IL1RAPL1: variants seen among roughly 807,000 people sequenced by gnomAD.
IL1RAPL1 encodes the protein interleukin-1 receptor accessory protein-like 1.
A neutral mutation model predicts 48.4 loss-of-function variants in IL1RAPL1; 3 were observed. The observed-to-expected ratio is 0.06, with a 90% CI of 0.03 to 0.16. The LOEUF is 0.16. IL1RAPL1 is among the 10% of genes least tolerant of loss of function. IL1RAPL1 has a pLI of 1.00. For missense variants in IL1RAPL1, 349 were observed against 530.6 expected (o/e 0.66, Z 3.36); for synonymous variants, 185 against 187.7 (o/e 0.99, Z 0.12).
intron 5 of IL1RAPL1, among the ~76,000 whole-genome samples, chrX:29,550,619 T>C (rs1234522286): frequency 8.9e-6 from 1 of 111,899 alleles, no homozygotes; most frequent in Non-Finnish European, 1.9e-5. Context: ...TTTTTTTTTC[T>C]GTTGACTTCT....
At chrX:28,831,074 G>C (rs1484941192) in intron 2 of IL1RAPL1, among the ~76,000 whole-genome samples, 1 of 86,507 alleles carries the variant, frequency 1.2e-5, no homozygotes, top group South Asian at 6.4e-4. Context: ...GTGTGTGTGT[G>C]TGTCTGTATG....
Position 29,244,413 on chromosome X carries a change from T to C in IL1RAPL1, c.83-38525T>C, listed in dbSNP as rs1931472688. 2.7e-5 allele frequency among the ~76,000 whole-genome samples: 3 copies of C among 112,584 alleles called. No homozygotes were observed. The South Asian group carries it at 1.1e-3, about 41-fold the overall frequency. ...TCTTGGCATTTTTAAATTCATTGAA[T>C]AGATTCTCCTTAAATGTTAATAGCA... On this transcript the variant is annotated intron_variant, in intron 2 of 10. Transcript: ENST00000378993.
chrX:28,822,948 T>C (rs887652880), intron 2 of IL1RAPL1, among the ~76,000 whole-genome samples: 6 of 111,901 alleles, frequency 5.4e-5, no homozygotes, highest in African/African-American at 1.3e-4. Flanking sequence ...GCTGTATCCA[T>C]GCGAGGACCA....
chrX:29,413,263 T>C (rs1224252087), intron 5 of IL1RAPL1, among the ~76,000 whole-genome samples: 3 of 112,438 alleles, frequency 2.7e-5, no homozygotes. Flanking sequence ...CTTTCCTTTA[T>C]AAATTACCCA....
At chrX:28,646,324 C>T (rs745493585) in intron 1 of IL1RAPL1, among the ~76,000 whole-genome samples, 24 of 112,147 alleles carry the variant, frequency 2.1e-4, no homozygotes, top group Non-Finnish European at 3.6e-4. Context: ...ATGCTTAATA[C>T]TGGCTGGCCA....
intron 5 of IL1RAPL1, among the ~76,000 whole-genome samples, chrX:29,528,430 A>G (rs1022016125): frequency 8.9e-6 from 1 of 112,753 alleles, no homozygotes; most frequent in African/African-American, 3.2e-5. Context: ...AAGAAACTGA[A>G]ATAAGAAACT....
chrX:28,664,824 A>G (rs1934858432), intron 1 of IL1RAPL1, among the ~76,000 whole-genome samples: 1 of 111,704 alleles, frequency 9.0e-6, no homozygotes, highest in Non-Finnish European at 1.9e-5. Flanking sequence ...CCATTACACA[A>G]CATTGTAGTT....
chrX:28,952,278 A>G (rs916019762), intron 2 of IL1RAPL1, among the ~76,000 whole-genome samples: 1 of 110,936 alleles, frequency 9.0e-6, no homozygotes, highest in Non-Finnish European at 1.9e-5. Flanking sequence ...CTTGATGTAT[A>G]TTTAAAAACA....
At chrX:29,710,863 C>A (rs1219818070) in intron 6 of IL1RAPL1, among the ~76,000 whole-genome samples, 4 of 107,593 alleles carry the variant, frequency 3.7e-5, no homozygotes, top group Non-Finnish European at 7.7e-5. Context: ...TGTTTGTTAT[C>A]TTAAATTTAT....
In IL1RAPL1 at chrX:29,902,045, A is replaced by G. The variant is rs192937725; in HGVS notation, c.779-15419A>G. On this transcript the variant is annotated intron_variant, in intron 6 of 10. Coordinates refer to ENST00000378993, the MANE Select transcript of IL1RAPL1 (RefSeq NM_014271.4). ...GTACTTCTTCCATCCACTCAACTCA[A>G]GGGTAACAATGGCTGTACTTTCTGC... Among the ~76,000 whole-genome samples, 146 of 112,168 alleles carry G rather than the reference A, an allele frequency of 1.3e-3. 1 individual carries two copies. The highest frequency in any genetic ancestry group is 4.5e-3 in the African/African-American group (140 of 30,932).
intron 2 of IL1RAPL1, among the ~76,000 whole-genome samples, chrX:29,087,766 G>A (rs1037281466): frequency 1.8e-5 from 2 of 112,165 alleles, no homozygotes; most frequent in Non-Finnish European, 3.8e-5. Context: ...GAGCTCAATG[G>A]CTCACACCTG....
chrX:28,959,950 A>C (rs1924723316), intron 2 of IL1RAPL1, among the ~76,000 whole-genome samples: 1 of 111,976 alleles, frequency 8.9e-6, no homozygotes, highest in African/African-American at 3.2e-5. Context: ...ACATGATGTA[A>C]TGTAACTACA....
At chrX:29,195,342 AT>A (rs1569256985) in intron 2 of IL1RAPL1, among the ~76,000 whole-genome samples, 1 of 110,943 alleles carries the variant, frequency 9.0e-6, no homozygotes, top group Non-Finnish European at 1.9e-5. Context: ...GGAGGCATAG[AT>A]AAAGTGCTAT....
intron 5 of IL1RAPL1, among the ~76,000 whole-genome samples, chrX:29,492,590 ACT>A (rs770209097): frequency 5.4e-5 from 6 of 111,241 alleles, no homozygotes; most frequent in Non-Finnish European, 1.1e-4. Context: ...CATCACTCTG[ACT>A]CTTCTTTCAT....
At chrX:28,948,966 C>T (rs1270464860) in intron 2 of IL1RAPL1, among the ~76,000 whole-genome samples, 1 of 110,995 alleles carries the variant, frequency 9.0e-6, no homozygotes, top group Admixed American at 9.7e-5. Context: ...GTTGTACATT[C>T]CCACGGGCAA....
chrX:29,448,555 G>A (rs939855710), intron 5 of IL1RAPL1, among the ~76,000 whole-genome samples: 1 of 112,128 alleles, frequency 8.9e-6, no homozygotes, highest in African/African-American at 3.2e-5. Context: ...CAGAATCAGA[G>A]TCATGAAAGT....
At chrX:29,406,555 T>C (rs1934073945) in intron 5 of IL1RAPL1, among the ~76,000 whole-genome samples, 1 of 111,874 alleles carries the variant, frequency 8.9e-6, no homozygotes, top group African/African-American at 3.2e-5. Flanking sequence ...AATTGCGGTT[T>C]TTGCCATAAC....
intron 2 of IL1RAPL1, among the ~76,000 whole-genome samples, chrX:29,152,587 C>A (rs1454731617): frequency 8.9e-6 from 1 of 111,741 alleles, no homozygotes; most frequent in African/African-American, 3.3e-5. Context: ...ATAATAGAGG[C>A]CTAATGGATG....
At chrX:29,886,096 A>C (rs764195443) in intron 6 of IL1RAPL1, among the ~76,000 whole-genome samples, 1 of 112,048 alleles carries the variant, frequency 8.9e-6, no homozygotes, top group Non-Finnish European at 1.9e-5. Flanking sequence ...AAATTTGCAC[A>C]TGGAAAATTA....
Sources: gnomAD v4.1 joint callset for allele counts (sites outside exome capture counted in the v4.1 genomes callset) on GRCh38, gnomAD v4.1.1 for gene constraint, MANE v1.5 for transcripts, NCBI Gene and HGNC (gene_info 2026-07-23, HGNC 2026-07-21) for gene names.